Variants in CFAP46 observed in about 807,000 individuals in gnomAD.
CFAP46 encodes cilia and flagella associated protein 46.
In CFAP46, 245 loss-of-function variants were observed where a neutral mutation model predicts 325.7. The observed-to-expected ratio is 0.75, with a 90% confidence interval of 0.68 to 0.84. The LOEUF is 0.84. CFAP46 is among the 40% of genes least tolerant of loss of function. CFAP46 has a pLI of 0.00. For synonymous variants in CFAP46, 1,523 were observed against 1,495.9 expected (o/e 1.02, Z -0.42); for missense variants, 3,346 against 3,543.0 (o/e 0.94, Z 1.41).
At chr10:132,926,037 C>G (rs1190897358) in intron 10 of CFAP46, among the ~76,000 whole-genome samples, 3 of 152,238 alleles carry the variant, frequency 2.0e-5, no homozygotes, top group African/African-American at 7.2e-5. Flanking sequence ...GAGGAAGAGT[C>G]TAAAAGGATT....
In CFAP46 at chr10:132,808,467, C is replaced by G. The variant is rs771281856; in HGVS notation, c.8102G>C (p.Cys2701Ser). ...GGTCTGAATAGTCTTCTGGTCTAAG[C>G]AACTCAGCACCAGCGCCGCCAAGGG... ...GLPLAALVLS[C>S]LDQKTIQTVS... The change falls in exon 58 of 58, where the codon TGC becomes TCC. Residue 2701 changes from cysteine to serine, a missense_variant. Cys to Ser is a moderately radical substitution (Grantham distance 112, BLOSUM62 -1). Coordinates refer to ENST00000368586, the MANE Select transcript of CFAP46 (RefSeq NM_001200049.3). The surrounding 1 kb of genome is among the most constrained non-coding windows in gnomAD (Gnocchi z 6.8). The G allele has an allele frequency of 1.2e-6, 2 of 1,613,104 alleles. No individual in the cohort carries two copies. Among genetic ancestry groups the G allele is most frequent in the East Asian group, 4.5e-5 (2 of 44,886 alleles).
chr10:132,885,847 C>T lies in CFAP46; in HGVS notation c.3417G>A (p.Gln1139=). The T allele has an allele frequency of 6.5e-7, 1 of 1,545,696 alleles. No homozygotes were observed. Among genetic ancestry groups the T allele is most frequent in the South Asian group, 1.2e-5 (1 of 83,906 alleles). Reference sequence around the variant, plus strand: ...GGCGGTGGGCCGTCCTTGGCAGCACCTGCACAGCCTCGTCCAGCACCTTGA... The same window carrying T: ...GGCGGTGGGCCGTCCTTGGCAGCACTTGCACAGCCTCGTCCAGCACCTTGA... ...GGLKVLDEAV[Q]VLPRTAHRLL... Residue 1139 remains glutamine (Q), a synonymous_variant, in exon 26 of 58, where the codon CAG becomes CAA. Coordinates refer to ENST00000368586, the MANE Select transcript of CFAP46 (RefSeq NM_001200049.3).
rs1848459573 is a variant in CFAP46 at position 132,847,492 on chromosome 10, G to A, written c.5953-171C>T. Among the ~76,000 whole-genome samples, 1 of 152,086 alleles carries A rather than the reference G, an allele frequency of 6.6e-6. No homozygotes were observed. Among genetic ancestry groups the A allele is most frequent in the South Asian group, 2.1e-4 (1 of 4,834 alleles). ...ACTATCCCAAACCCTCCATCCCTGA[G>A]TTGATGCAGGGTGGCCCTGACCCGT... On this transcript the variant is annotated intron_variant, in intron 41 of 57. Coordinates refer to ENST00000368586, the MANE Select transcript of CFAP46 (RefSeq NM_001200049.3). The surrounding 1 kb of genome is among the most constrained non-coding windows in gnomAD (Gnocchi z 5.2).
chr10:132,823,028 G>A (rs866779451), intron 50 of CFAP46, among the ~76,000 whole-genome samples: 23 of 145,794 alleles, frequency 1.6e-4, no homozygotes, highest in Admixed American at 4.8e-4. Flanking sequence ...GCTGTGTGCT[G>A]TGTGTGCGCT....
At chr10:132,916,353 A>AAC (rs1337302310) in intron 17 of CFAP46, among the ~76,000 whole-genome samples, 196 bp downstream of exon 17, 2 of 152,178 alleles carry the variant, frequency 1.3e-5, no homozygotes, top group Non-Finnish European at 2.9e-5. Context: ...GACGGCTAAA[A>AAC]ACAGGAGAGG....
intron 6 of CFAP46, 127 bp from the exon 7 acceptor site, chr10:132,937,182 T>G: frequency 1.9e-6 from 1 of 539,988 alleles, no homozygotes; most frequent in Non-Finnish European, 3.1e-6. Flanking sequence ...TTAAGCTGAT[T>G]CCCCATATGT....
intron 44 of CFAP46, among the ~76,000 whole-genome samples, chr10:132,841,589 G>A (rs1433258130): frequency 1.3e-5 from 2 of 152,184 alleles, no homozygotes; most frequent in Non-Finnish European, 2.9e-5. Context: ...TCCCTGGGAC[G>A]AGTCTCTGCC....
rs909259336 is a variant in CFAP46 at position 132,919,573 on chromosome 10, G to A, written c.1731-131C>T. The A allele has an allele frequency of 7.9e-5, 98 of 1,233,226 alleles. No individual in the cohort carries two copies. The highest frequency in any genetic ancestry group is 7.2e-4 in the East Asian group (28 of 38,878). 76.4% of individuals were successfully genotyped at this position (1,233,226 alleles called of 1,614,324 possible). A position where few individuals can be genotyped will look rare whatever the true frequency, so the allele number is the denominator to read the frequency against. ...GCAGTTTCAAGGTGGCAAGGAGCCC[G>A]GCACTCGCGCTGGGTACGGCCTGGC... is the stretch of plus-strand genomic sequence containing the variant. On this transcript the variant is annotated intron_variant, in intron 14 of 57. Transcript: ENST00000368586. This position sits in a 1 kb window ranked among gnomAD's most constrained non-coding sequence, Gnocchi z 9.7.
chr10:132,840,870 G>C (rs1239878069), intron 44 of CFAP46, among the ~76,000 whole-genome samples: 2 of 152,180 alleles, frequency 1.3e-5, no homozygotes, highest in African/African-American at 4.8e-5. Flanking sequence ...TTCGGTTTTA[G>C]CCATGTCTGG....
At chr10:132,892,507 T>A in intron 24 of CFAP46, 90 bp from the exon 25 acceptor site, 1 of 1,224,444 alleles carries the variant, frequency 8.2e-7, no homozygotes, top group Non-Finnish European at 1.2e-6. Context: ...CTGAGCTCTG[T>A]GTTCCTCTCC....
intron 31 of CFAP46, among the ~76,000 whole-genome samples, chr10:132,875,619 G>A (rs576942399): frequency 4.6e-4 from 70 of 152,320 alleles, no homozygotes; most frequent in Non-Finnish European, 9.0e-4. Context: ...CAGCAGGGAA[G>A]GCAGCCAGTG....
rs371497687 is a variant in CFAP46 at position 132,880,720 on chromosome 10, C to T, written c.3799+141G>A. 7.2e-6 allele frequency: 7 copies of T among 974,642 alleles called. No homozygotes were observed. The East Asian group carries it at 1.1e-4, about 15-fold the overall frequency. The allele number at this position is 974,642 out of a possible 1,614,324, so 60.4% of individuals were successfully genotyped here. A position where few individuals can be genotyped will look rare whatever the true frequency, so the allele number is the denominator to read the frequency against. On this transcript the variant is annotated intron_variant, in intron 28 of 57. Coordinates refer to ENST00000368586, the MANE Select transcript of CFAP46 (RefSeq NM_001200049.3). ...CGTCAGGGGCCCCTGCAGAGGACAG[C>T]GCTGAGACACGTCAGGGGCTCCTGG...
Position 132,879,433 on chromosome 10 carries a change from A to C in CFAP46, c.3998T>G (p.Ile1333Ser). ...CLAAYAFFRH[I>S]WQVSLMTAGK... The stretch of plus-strand genomic sequence containing the variant: ...GTCTGCGCTGGGCCTCACCTGCCAG[A>C]TGTGCCTGAAGAAGGCGTAGGCTGC... The change falls in exon 29 of 58, where the codon ATC becomes AGC. Residue 1333 changes from isoleucine to serine, a missense_variant. Transcript: ENST00000368586. The C allele has an allele frequency of 6.6e-7, 1 of 1,520,656 alleles. No homozygotes were observed. Among genetic ancestry groups the C allele is most frequent in the South Asian group, 1.2e-5 (1 of 80,172 alleles). The allele number at this position is 1,520,656 out of a possible 1,614,324, so 94.2% of individuals were successfully genotyped here. A position where few individuals can be genotyped will look rare whatever the true frequency, so the allele number is the denominator to read the frequency against.
At position 132,860,449 on chromosome 10, in the gene CFAP46, TA is replaced by T; in HGVS notation, c.5165del (p.Leu1722TyrfsTer5). ...LKKERPNRLP[L>X]LEFMITDLEA... ...CTAGATCTGTGATCATGAATTCCAGTAAAGGCAATCGGTTTGGTCTTTCTTT... is the reference window on the plus strand; with the variant it reads ...CTAGATCTGTGATCATGAATTCCAGTAAGGCAATCGGTTTGGTCTTTCTTT... On this transcript the variant is annotated frameshift_variant, in exon 37 of 58. Transcript: ENST00000368586. LOFTEE classifies it high-confidence loss of function. 6.4e-7 allele frequency: 1 copy of T among 1,551,226 alleles called. No homozygotes were observed. Among genetic ancestry groups the T allele is most frequent in the Non-Finnish European group, 8.7e-7 (1 of 1,147,060 alleles).
chr10:132,912,805 C>A lies in CFAP46; in HGVS notation c.2349G>T (p.Leu783=). 1 of 1,549,150 alleles carries A rather than the reference C, an allele frequency of 6.5e-7. No homozygotes were observed. ...ATGHSGDPVM[L]VTLCNTLARG... Reference sequence around the variant, plus strand: ...GCGCCAAGGTGTTGCAGAGCGTCACCAGCATCACGGGGTCCCTGGGAGACA... The same window carrying A: ...GCGCCAAGGTGTTGCAGAGCGTCACAAGCATCACGGGGTCCCTGGGAGACA... Residue 783 remains leucine, a synonymous_variant, in exon 19 of 58, where the codon CTG becomes CTT. Transcript: ENST00000368586.
At chr10:132,837,082 C>G in intron 44 of CFAP46, 168 bp from the exon 45 acceptor site, 2 of 571,612 alleles carry the variant, frequency 3.5e-6, no homozygotes, top group South Asian at 2.2e-5. Flanking sequence ...GGAAGTGACT[C>G]GGGGCTGCCA....
chr10:132,893,588 C>T (rs1849282777), intron 24 of CFAP46, among the ~76,000 whole-genome samples: 1 of 152,218 alleles, frequency 6.6e-6, no homozygotes, highest in African/African-American at 2.4e-5. Flanking sequence ...TTCAAATTGT[C>T]TATGAGCCTC....
intron 3 of CFAP46, 27 bp downstream of exon 3, chr10:132,941,564 G>C: frequency 1.2e-6 from 2 of 1,604,696 alleles, no homozygotes; most frequent in Non-Finnish European, 1.7e-6. Context: ...GAACTGTTGG[G>C]GATAAGGGGC....
At chr10:132,838,301 T>C (rs1848299272) in intron 44 of CFAP46, among the ~76,000 whole-genome samples, 1 of 152,264 alleles carries the variant, frequency 6.6e-6, no homozygotes, top group South Asian at 2.1e-4. Flanking sequence ...TGGTTCTGAG[T>C]CATAGCTTCA....
Sources: allele counts gnomAD v4.1 joint callset (sites outside exome capture counted in the v4.1 genomes callset), GRCh38; gene constraint gnomAD v4.1.1; non-coding constraint Gnocchi (gnomAD v3.1); transcripts MANE v1.5; gene names NCBI Gene and HGNC (gene_info 2026-07-23, HGNC 2026-07-21).